Variants in BLOC1S5 observed in about 807,000 individuals in gnomAD.
BLOC1S5 encodes biogenesis of lysosomal organelles complex 1 subunit 5.
In BLOC1S5, 27 loss-of-function variants were observed where a neutral mutation model predicts 24.3. The ratio of observed to expected loss-of-function variants is 1.11; its 90% CI spans 0.82 to 1.53. BLOC1S5 has a LOEUF of 1.53. Among genes scored for constraint, BLOC1S5 ranks in the 40% most tolerant of loss-of-function variants. The probability of loss-of-function intolerance (pLI) is 0.00; values close to 1 mark genes in which losing one functional copy is unlikely to be tolerated. For synonymous variants in BLOC1S5, 84 were observed against 74.5 expected, an observed-to-expected ratio of 1.13 and a Z score of -0.66; for missense variants, 239 against 229.4, an observed-to-expected ratio of 1.04 and a Z score of -0.27.
intron 3 of BLOC1S5, among the ~76,000 whole-genome samples, chr6:8,035,755 T>G (rs1458895667): frequency 6.6e-6 from 1 of 152,094 alleles, no homozygotes; most frequent in Non-Finnish European, 1.5e-5. Flanking sequence ...CATTAATAGA[T>G]CTAAAGGGAG....
intron 3 of BLOC1S5, among the ~76,000 whole-genome samples, chr6:8,029,173 T>C (rs891326849): frequency 6.6e-6 from 1 of 152,128 alleles, no homozygotes; most frequent in Admixed American, 6.5e-5. Context: ...AAAATGCGGA[T>C]ATAGAAGCGA....
At chr6:8,017,943 T>TGAA (rs1762799314) in intron 4 of BLOC1S5, 1 of 152,246 alleles carries the variant, frequency 6.6e-6, no homozygotes, top group African/African-American at 2.4e-5. Context: ...AGAGTCTTTT[T>TGAA]GCTAGGCTGA....
intron 2 of BLOC1S5, 51 bp downstream of exon 2, chr6:8,062,483 A>G: frequency 8.8e-7 from 1 of 1,139,034 alleles, no homozygotes; most frequent in East Asian, 2.5e-5. Flanking sequence ...CTGTATAATA[A>G]CACACTAACA....
At chr6:8,027,371 T>C (rs1018427599) in intron 3 of BLOC1S5, 4 of 456,624 alleles carry the variant, frequency 8.8e-6, no homozygotes, top group African/African-American at 8.0e-5. Context: ...TTGTTGGTCC[T>C]CCTATCTCTC....
At chr6:8,022,521 T>G (rs1762946427) in intron 4 of BLOC1S5, among the ~76,000 whole-genome samples, 1 of 151,942 alleles carries the variant, frequency 6.6e-6, no homozygotes. Context: ...AAAAATGATT[T>G]TATATAGAAC....
intron 3 of BLOC1S5, among the ~76,000 whole-genome samples, chr6:8,033,561 G>A (rs1237451820): frequency 1.3e-5 from 2 of 152,182 alleles, no homozygotes; most frequent in Non-Finnish European, 2.9e-5. Flanking sequence ...TCAGGACATA[G>A]GCATGGACAA....
chr6:8,053,734 C>A (rs1345902248), intron 2 of BLOC1S5, among the ~76,000 whole-genome samples: 3 of 152,166 alleles, frequency 2.0e-5, no homozygotes, highest in Non-Finnish European at 2.9e-5. Context: ...AATTCCCTTT[C>A]TTAAACAGAA....
chr6:8,033,159 T>C (rs4959465), intron 3 of BLOC1S5, among the ~76,000 whole-genome samples: 129,772 of 152,134 alleles, frequency 0.85, 55,759 homozygotes, highest in East Asian at 1. Context: ...AAAAAGAGCC[T>C]GCATTGCCAA....
At chr6:8,046,769 T>G (rs1187973714) in intron 2 of BLOC1S5, among the ~76,000 whole-genome samples, 1 of 152,086 alleles carries the variant, frequency 6.6e-6, no homozygotes, top group Non-Finnish European at 1.5e-5. Flanking sequence ...TCTTTTTTTT[T>G]GTTTGCTGTT....
Position 8,062,610 on chromosome 6 carries a change from C to T in BLOC1S5, c.119G>A (p.Gly40Glu), listed in dbSNP as rs534749419. 1 of 1,591,992 alleles carries T rather than the reference C, an allele frequency of 6.3e-7. No homozygotes were observed. Among genetic ancestry groups the T allele is most frequent in the Non-Finnish European group, 8.6e-7 (1 of 1,164,372 alleles). ...ATCCAAAAGCCTTGAATGAATTTCT[C>T]CAAGATCTATAAAGATAAAATGAAA... ...GSAHLIIKDL[G>E]EIHSRLLDHR... Residue 40 changes from glycine to glutamate, a missense_variant, in exon 2 of 5, where the codon GGA becomes GAA. Physicochemically the swap from Gly to Glu is moderately conservative, Grantham distance 98. Coordinates refer to ENST00000397457, the MANE Select transcript of BLOC1S5 (RefSeq NM_201280.3).
At chr6:8,055,320 A>G (rs1349388897) in intron 2 of BLOC1S5, among the ~76,000 whole-genome samples, 1 of 152,184 alleles carries the variant, frequency 6.6e-6, no homozygotes, top group Non-Finnish European at 1.5e-5. Flanking sequence ...CTGCAATTCC[A>G]GCTACTTGGG....
chr6:8,039,923 C>T (rs915387147), intron 3 of BLOC1S5, among the ~76,000 whole-genome samples: 2 of 152,104 alleles, frequency 1.3e-5, no homozygotes, highest in Non-Finnish European at 2.9e-5. Flanking sequence ...ATAAGCTCAC[C>T]AAGCGAGTTT....
chr6:8,041,031 T>G, intron 3 of BLOC1S5, 108 bp downstream of exon 3: 10 of 1,278,674 alleles, frequency 7.8e-6, no homozygotes, highest in Non-Finnish European at 9.6e-6. Flanking sequence ...TCTCTGTAAC[T>G]GAGCTTCCCT....
At chr6:8,047,143 C>G (rs1763928274) in intron 2 of BLOC1S5, among the ~76,000 whole-genome samples, 1 of 40,934 alleles carries the variant, frequency 2.4e-5, no homozygotes, top group Admixed American at 2.4e-4. Flanking sequence ...ATAAGACCAC[C>G]TCTCTCTCTC....
intron 4 of BLOC1S5, among the ~76,000 whole-genome samples, chr6:8,020,660 G>C (rs1466062891): frequency 6.6e-6 from 1 of 152,120 alleles, no homozygotes; most frequent in Non-Finnish European, 1.5e-5. Flanking sequence ...CCCATGTAGG[G>C]GAAGCAGAGG....
chr6:8,017,623 G>A (rs969687169), intron 4 of BLOC1S5, among the ~76,000 whole-genome samples: 15 of 152,130 alleles, frequency 9.9e-5, no homozygotes, highest in Admixed American at 2.6e-4. Context: ...CAGGATGAAG[G>A]GCTGAATAAG....
chr6:8,026,789 T>C (rs1763122727), intron 3 of BLOC1S5, among the ~76,000 whole-genome samples: 1 of 152,234 alleles, frequency 6.6e-6, no homozygotes, highest in South Asian at 2.1e-4. Context: ...TTCTAATTTA[T>C]CCTGGCTGCC....
intron 2 of BLOC1S5, among the ~76,000 whole-genome samples, chr6:8,057,047 T>C (rs900898672): frequency 1.3e-5 from 2 of 151,886 alleles, no homozygotes; most frequent in East Asian, 1.9e-4. Flanking sequence ...TGAAACCCTG[T>C]TCTCTACTAA....
At chr6:8,034,731 G>A (rs971890675) in intron 3 of BLOC1S5, among the ~76,000 whole-genome samples, 1 of 152,104 alleles carries the variant, frequency 6.6e-6, no homozygotes, top group Non-Finnish European at 1.5e-5. Context: ...AGACAGTGTG[G>A]AGATTCCTTA....
Sources: gnomAD v4.1 joint callset for allele counts (sites outside exome capture counted in the v4.1 genomes callset) on GRCh38, gnomAD v4.1.1 for gene constraint, MANE v1.5 for transcripts, NCBI Gene and HGNC (gene_info 2026-07-23, HGNC 2026-07-21) for gene names.